The following SCAP variants were observed in gnomAD, a reference collection of about 807,000 sequenced individuals.
SCAP encodes the protein sterol regulatory element-binding protein cleavage-activating protein.
A neutral mutation model predicts 123.6 loss-of-function variants in SCAP; 65 were observed. The ratio of observed to expected loss-of-function variants is 0.53; its 90% CI spans 0.43 to 0.65. The LOEUF (loss-of-function observed/expected upper bound fraction) is 0.65, where lower values mean the gene tolerates loss of function less well. Ranked by LOEUF, SCAP falls within the 30% of genes least tolerant of loss-of-function variation. SCAP has a pLI of 0.00. For missense variants in SCAP, 1,398 were observed against 1,712.5 expected, an observed-to-expected ratio of 0.82 and a Z score of 3.24; for synonymous variants, 740 against 726.3, an observed-to-expected ratio of 1.02 and a Z score of -0.30.
Position 47,418,235 on chromosome 3 carries a change from C to T in SCAP, c.2346G>A (p.Leu782=), listed in dbSNP as rs1705722111. ...TCACCAGCAGCATGCCGTCGCTGGC[C>T]AGGCACTCGATGTCCTGCAGAAGCC... The part of the protein sequence containing the change: ...LRGHLMDIEC[L]ASDGMLLVSC... Residue 782 remains leucine (L), a synonymous_variant, in exon 16 of 23, where the codon CTG becomes CTA. Transcript: ENST00000265565. 6.4e-7 allele frequency: 1 copy of T among 1,567,872 alleles called. No individual in the cohort carries two copies. Among genetic ancestry groups the T allele is most frequent in the South Asian group, 1.2e-5 (1 of 85,498 alleles).
chr3:47,469,914 C>G, intron 1 of SCAP: 1 of 477,854 alleles, frequency 2.1e-6, no homozygotes, highest in Non-Finnish European at 4.2e-6. Context: ...AATCCTTGAC[C>G]TCTTAGTTCA....
At position 47,427,243 on chromosome 3, in the gene SCAP, AG is replaced by A; in HGVS notation, c.650del (p.Pro217LeufsTer7). On this transcript the variant is annotated frameshift_variant, in exon 6 of 23. Transcript: ENST00000265565. LOFTEE classifies it high-confidence loss of function. ...ATLKDLLFGV[P>X]GKYSGVSLYT... is the part of the protein sequence containing the mutation. ...AGAGGCTCACCCCGCTGTACTTCCC[AG>A]GAACACCAAATAACAAGTCTGCAAG... 1 of 1,613,800 alleles carries A rather than the reference AG, an allele frequency of 6.2e-7. No individual in the cohort carries two copies. Among genetic ancestry groups the A allele is most frequent in the Non-Finnish European group, 8.5e-7 (1 of 1,179,838 alleles).
chr3:47,446,787 A>G (rs187553106), intron 1 of SCAP, among the ~76,000 whole-genome samples: 1 of 151,870 alleles, frequency 6.6e-6, no homozygotes, highest in African/African-American at 2.4e-5. Flanking sequence ...AAAAAAAAAC[A>G]TTAACAATTA....
intron 19 of SCAP, 35 bp downstream of exon 19, chr3:47,415,063 A>G: frequency 6.3e-7 from 1 of 1,584,124 alleles, no homozygotes; most frequent in Non-Finnish European, 8.6e-7. Context: ...CCGTCCCACC[A>G]AGTGTGAACA....
intron 1 of SCAP, among the ~76,000 whole-genome samples, chr3:47,452,696 T>A (rs961782667): frequency 6.6e-6 from 1 of 152,192 alleles, no homozygotes; most frequent in Non-Finnish European, 1.5e-5. Context: ...GACAGTGATA[T>A]GCTCAAATTT....
In SCAP at chr3:47,442,971, C is replaced by G. The variant is rs201271939; in HGVS notation, c.23G>C (p.Arg8Pro). 1.2e-6 allele frequency: 2 copies of G among 1,613,924 alleles called. No individual in the cohort carries two copies. Among genetic ancestry groups the G allele is most frequent in the Non-Finnish European group, 1.7e-6 (2 of 1,180,030 alleles). The stretch of plus-strand genomic sequence containing the variant: ...GTAGAAGGCCCGAGATATCTTCTCA[C>G]GCAGCCTTTCAGTCAGGGTCATCCT... MTLTERLREKISRAFYNH... is the reference protein window; with the variant it reads MTLTERLPEKISRAFYNH... The change falls in exon 2 of 23, where the codon CGT becomes CCT. Residue 8 changes from arginine to proline, a missense_variant. Transcript: ENST00000265565.
Position 47,414,080 on chromosome 3 carries a change from C to G in SCAP, c.3614G>C (p.Ser1205Thr), listed in dbSNP as rs1576239026. 1 of 1,613,444 alleles carries G rather than the reference C, an allele frequency of 6.2e-7. No homozygotes were observed. ...SIQQDLGCGASLGVISDNLLV... is the reference protein window; with the variant it reads ...SIQQDLGCGATLGVISDNLLV... ...CAGGTTGTCTGAGATGACACCCAAG[C>G]TTGCACCACAGCCCAGGTCCTGGAG... is the stretch of plus-strand genomic sequence containing the variant. Residue 1205 changes from serine (S) to threonine (T), a missense_variant, in exon 23 of 23, where the codon AGC (serine) becomes ACC (threonine). Coordinates refer to ENST00000265565, the MANE Select transcript of SCAP (RefSeq NM_012235.4).
chr3:47,474,805 C>T (rs980949228), intron 1 of SCAP, among the ~76,000 whole-genome samples: 1 of 152,038 alleles, frequency 6.6e-6, no homozygotes, highest in African/African-American at 2.4e-5. Context: ...TCCAAACAAA[C>T]AAACAAAAAA....
chr3:47,418,544 T>C (rs1228015810), intron 14 of SCAP, 22 bp from the exon 15 acceptor site: 2 of 1,573,736 alleles, frequency 1.3e-6, no homozygotes, highest in African/African-American at 1.3e-5. Context: ...GGCGGACTGC[T>C]GTGAGACACA....
intron 1 of SCAP, among the ~76,000 whole-genome samples, chr3:47,455,051 CA>C (rs796866428): frequency 1.7e-5 from 2 of 116,832 alleles, no homozygotes; most frequent in African/African-American, 3.2e-5. Flanking sequence ...AATATATATA[CA>C]AAAAAATTAC....
intron 2 of SCAP, among the ~76,000 whole-genome samples, chr3:47,437,422 C>CAAAAAAAA (rs35011639): frequency 3.2e-5 from 2 of 63,180 alleles, no homozygotes; most frequent in Non-Finnish European, 5.5e-5. Flanking sequence ...AACTCAATCT[C>CAAAAAAAA]AAAAAAAAAA....
At position 47,420,375 on chromosome 3, in the gene SCAP, G is replaced by T. The variant is rs1705837972; in HGVS notation, c.1563+179C>A. Among the ~76,000 whole-genome samples the T allele has an allele frequency of 6.6e-6, 1 of 152,192 alleles. No homozygotes were observed. The highest frequency in any genetic ancestry group is 1.5e-5 in the Non-Finnish European group (1 of 68,032). ...CTTCTCCCACAGGCTTATCTCCTCA[G>T]AAGCCACTAGGGTCTGGGCAGGGAG... On this transcript the variant is annotated intron_variant, in intron 12 of 22. Coordinates refer to ENST00000265565, the MANE Select transcript of SCAP (RefSeq NM_012235.4). This position sits in a 1 kb window ranked among gnomAD's most constrained non-coding sequence, Gnocchi z 5.0.
At chr3:47,456,758 C>T (rs1347356133) in intron 1 of SCAP, among the ~76,000 whole-genome samples, 2 of 151,612 alleles carry the variant, frequency 1.3e-5, no homozygotes, top group Non-Finnish European at 2.9e-5. Context: ...GTACTCTAGT[C>T]TGGGCAACAA....
chr3:47,472,740 C>CA (rs1164116316), intron 1 of SCAP, among the ~76,000 whole-genome samples: 1 of 152,054 alleles, frequency 6.6e-6, no homozygotes, highest in African/African-American at 2.4e-5. Flanking sequence ...TTCCTCCCAC[C>CA]ACCCCTACCA....
chr3:47,448,355 A>G (rs1164191173), intron 1 of SCAP, among the ~76,000 whole-genome samples: 1 of 151,248 alleles, frequency 6.6e-6, no homozygotes, highest in Non-Finnish European at 1.5e-5. Flanking sequence ...GTCTTTCTGC[A>G]TGTGTGTGTG....
rs1706292540 is a variant in SCAP, at chr3:47,429,967, T to A, written c.253-1297A>T. ...GAAGATCAAAGGACCCAATTTTAAA[T>A]CACAGCTTTCCAAACATATGGCCTT... On this transcript the variant is annotated intron_variant, in intron 3 of 22. Coordinates refer to ENST00000265565, the MANE Select transcript of SCAP (RefSeq NM_012235.4). Among the ~76,000 whole-genome samples, 2 of 152,208 alleles carry A rather than the reference T, an allele frequency of 1.3e-5. 1 individual carries two copies. The highest frequency in any genetic ancestry group is 4.1e-4 in the South Asian group (2 of 4,830).
At chr3:47,425,260 T>C (rs1007611328) in intron 8 of SCAP, 3 of 535,508 alleles carry the variant, frequency 5.6e-6, no homozygotes, top group Non-Finnish European at 6.5e-6. Context: ...ATATGCACTT[T>C]TGTACATATG....
At position 47,425,382 on chromosome 3, in the gene SCAP, C is replaced by T. The variant is rs1706079799; in HGVS notation, c.1037+103G>A. 1.8e-5 allele frequency: 23 copies of T among 1,250,086 alleles called. No homozygotes were observed. The South Asian group carries it at 2.3e-4, about 12-fold the overall frequency. 77.4% of individuals were successfully genotyped at this position (1,250,086 alleles called of 1,614,324 possible). ...AATGTCAAAAACAACAATGTGAAGA[C>T]GTGAGGTCACAGCAAAGTCCAGGGA... On this transcript the variant is annotated intron_variant, in intron 8 of 22. Coordinates refer to ENST00000265565, the MANE Select transcript of SCAP (RefSeq NM_012235.4).
At position 47,451,394 on chromosome 3, in the gene SCAP, C is replaced by CT. The variant is rs10712274; in HGVS notation, c.-98-8304dup. On this transcript the variant is annotated intron_variant, in intron 1 of 22. Coordinates refer to ENST00000265565, the MANE Select transcript of SCAP (RefSeq NM_012235.4). ...AAATATTCAAACAGTCCTGGAATGC[C>CT]TTTTTTTTTTTTTTTTTTTTTGAGA... Among the ~76,000 whole-genome samples, 165 of 41,380 alleles carry CT rather than the reference C, an allele frequency of 4.0e-3. 19 individuals are homozygous for CT. The highest frequency in any genetic ancestry group is 9.7e-3 in the African/African-American group (138 of 14,294). 27.1% of individuals were successfully genotyped at this position (41,380 alleles called of 152,430 possible).
Sources: gnomAD v4.1 joint callset for allele counts (sites outside exome capture counted in the v4.1 genomes callset) on GRCh38, gnomAD v4.1.1 for gene constraint, Gnocchi (gnomAD v3.1) non-coding constraint, MANE v1.5 for transcripts, NCBI Gene and HGNC (gene_info 2026-07-23, HGNC 2026-07-21) for gene names.